Variants in ATP6V0A4 observed in about 807,000 individuals in gnomAD.
ATP6V0A4 encodes V-type proton ATPase 116 kDa subunit a 4.
Under a neutral mutation model 107.3 loss-of-function variants are expected in ATP6V0A4, and 86 were observed. That is an observed-to-expected ratio of 0.80 (90% CI 0.67 to 0.96). ATP6V0A4 has a LOEUF of 0.96. ATP6V0A4 is among the 40% of genes least tolerant of loss of function. The pLI, the probability that ATP6V0A4 is intolerant of heterozygous loss-of-function variation, is 0.00. For missense variants in ATP6V0A4, 908 were observed against 1,045.6 expected (o/e 0.87, Z 1.81); for synonymous variants, 353 against 381.4 (o/e 0.93, Z 0.87).
chr7:138,719,456 G>A (rs1804317605), intron 19 of ATP6V0A4, among the ~76,000 whole-genome samples: 1 of 152,136 alleles, frequency 6.6e-6, no homozygotes, highest in Non-Finnish European at 1.5e-5. Flanking sequence ...GAGAGAGCTG[G>A]GGACTCTGCA....
At chr7:138,721,526 T>A (rs527312623) in intron 19 of ATP6V0A4, among the ~76,000 whole-genome samples, 7 of 152,142 alleles carry the variant, frequency 4.6e-5, no homozygotes, top group African/African-American at 1.4e-4. Flanking sequence ...AGAGTGAGAC[T>A]CTATCTCAAA....
chr7:138,758,579 G>T (rs557070474), intron 8 of ATP6V0A4, among the ~76,000 whole-genome samples: 2 of 152,030 alleles, frequency 1.3e-5, no homozygotes, highest in Admixed American at 6.6e-5. Flanking sequence ...AGCAACATCC[G>T]ACAGAATTCA....
intron 2 of ATP6V0A4, among the ~76,000 whole-genome samples, chr7:138,782,826 G>T (rs1402705384): frequency 2.0e-5 from 3 of 152,184 alleles, no homozygotes; most frequent in African/African-American, 7.2e-5. Context: ...TGTAATCCCA[G>T]CATTTTGGGA....
At chr7:138,792,056 C>A (rs552312970) in intron 1 of ATP6V0A4, among the ~76,000 whole-genome samples, 2 of 152,148 alleles carry the variant, frequency 1.3e-5, no homozygotes, top group Non-Finnish European at 2.9e-5. Flanking sequence ...CGCCTGTAAT[C>A]CCAGCACTTT....
intron 17 of ATP6V0A4, 77 bp from the exon 18 acceptor site, chr7:138,728,939 T>G (rs369085299): frequency 6.2e-7 from 1 of 1,610,120 alleles, no homozygotes; most frequent in African/African-American, 1.3e-5. Context: ...AAATGACCAC[T>G]ATGGGCCACT....
chr7:138,765,176 T>C (rs562878813), intron 5 of ATP6V0A4, among the ~76,000 whole-genome samples: 70 of 152,214 alleles, frequency 4.6e-4, no homozygotes, highest in Middle Eastern at 3.4e-3. Context: ...TTAGACAAAA[T>C]TGAATTACTA....
intron 2 of ATP6V0A4, among the ~76,000 whole-genome samples, chr7:138,778,186 C>G (rs1807755652): frequency 6.6e-6 from 1 of 152,076 alleles, no homozygotes; most frequent in Admixed American, 6.6e-5. Flanking sequence ...CAAGCCTGGC[C>G]AACGTGGTGA....
Position 138,777,148 on chromosome 7 carries a change from CA to C in ATP6V0A4, c.-17-5885del, listed in dbSNP as rs59929258. Among the ~76,000 whole-genome samples the C allele has an allele frequency of 2.1e-3, 304 of 147,972 alleles. 2 individuals carry two copies. The highest frequency in any genetic ancestry group is 7.3e-3 in the African/African-American group (295 of 40,170). On this transcript the variant is annotated intron_variant, in intron 2 of 21. Transcript: ENST00000310018. ...TAAAAGACACAGCGAGACTCCGTCT[CA>C]AAAAAAAAACAACAAAAAAAGTATG...
intron 10 of ATP6V0A4, among the ~76,000 whole-genome samples, chr7:138,754,512 AG>A (rs1289363898): frequency 6.6e-6 from 1 of 152,050 alleles, no homozygotes; most frequent in African/African-American, 2.4e-5. Flanking sequence ...TGCTAGCCTA[AG>A]GGTTTTGAAA....
At chr7:138,767,938 G>T (rs1286283104) in intron 5 of ATP6V0A4, among the ~76,000 whole-genome samples, 1 of 151,914 alleles carries the variant, frequency 6.6e-6, no homozygotes, top group Non-Finnish European at 1.5e-5. Context: ...TTGTTTGTTT[G>T]TTTGTTTGTT....
chr7:138,739,674 C>A lies in ATP6V0A4; in HGVS notation c.1479-41G>T. 2.5e-6 allele frequency: 4 copies of A among 1,610,452 alleles called. 1 individual carries two copies. The highest frequency in any genetic ancestry group is 3.4e-6 in the Non-Finnish European group (4 of 1,178,642). On this transcript the variant is annotated intron_variant, in intron 14 of 21. Coordinates refer to ENST00000310018, the MANE Select transcript of ATP6V0A4 (RefSeq NM_020632.3). ...AGGAGAAAAACAAACAATGATCAACCGGGGCAGAAAAGATACTATAATACC... is the reference window on the plus strand; with the variant it reads ...AGGAGAAAAACAAACAATGATCAACAGGGGCAGAAAAGATACTATAATACC...
intron 21 of ATP6V0A4, 103 bp downstream of exon 21, chr7:138,709,521 C>T (rs960333722): frequency 1.8e-6 from 2 of 1,122,996 alleles, no homozygotes; most frequent in Non-Finnish European, 2.7e-6. Flanking sequence ...ATGTAAGCTG[C>T]TAAAGTCACA....
chr7:138,729,128 G>A (rs191913846), intron 17 of ATP6V0A4, among the ~76,000 whole-genome samples: 29 of 152,244 alleles, frequency 1.9e-4, no homozygotes, highest in African/African-American at 5.1e-4. Context: ...TGTACCATAC[G>A]TAACCAATCT....
intron 12 of ATP6V0A4, among the ~76,000 whole-genome samples, chr7:138,748,877 G>A (rs568951108): frequency 4.6e-5 from 7 of 152,232 alleles, no homozygotes; most frequent in East Asian, 1.9e-4. Context: ...CACTGACTTC[G>A]GCTGCCTGAT....
intron 1 of ATP6V0A4, among the ~76,000 whole-genome samples, chr7:138,792,779 TTG>T (rs1491070240): frequency 9.2e-5 from 2 of 21,836 alleles, no homozygotes; most frequent in Non-Finnish European, 1.7e-4. Flanking sequence ...TTTTTTTTTG[TTG>T]TTTTGTTTTT....
At chr7:138,788,097 CA>C (rs1808249159) in intron 1 of ATP6V0A4, among the ~76,000 whole-genome samples, 1 of 152,172 alleles carries the variant, frequency 6.6e-6, no homozygotes, top group Admixed American at 6.6e-5. Context: ...GTTGGGAAGA[CA>C]GGTCCAAACA....
intron 16 of ATP6V0A4, 81 bp downstream of exon 16, chr7:138,734,055 G>A (rs1805174830): frequency 4.1e-6 from 6 of 1,478,870 alleles, no homozygotes; most frequent in Non-Finnish European, 1.9e-6. Context: ...GAGAGATGCA[G>A]TTCCCAAACC....
At chr7:138,714,990 C>G (rs1803956469) in intron 20 of ATP6V0A4, among the ~76,000 whole-genome samples, 1 of 152,068 alleles carries the variant, frequency 6.6e-6, no homozygotes. Flanking sequence ...GAGTCACAGT[C>G]AGAGAAAAAG....
chr7:138,766,178 C>T (rs896914940), intron 5 of ATP6V0A4, among the ~76,000 whole-genome samples: 6 of 151,504 alleles, frequency 4.0e-5, no homozygotes, highest in East Asian at 1.9e-4. Flanking sequence ...AGAGCTTTAA[C>T]ACCTTAAAAT....
Sources: allele counts gnomAD v4.1 joint callset (sites outside exome capture counted in the v4.1 genomes callset), GRCh38; gene constraint gnomAD v4.1.1; transcripts MANE v1.5; gene names NCBI Gene and HGNC (gene_info 2026-07-23, HGNC 2026-07-21).